The following UBE4B variants were observed in gnomAD, a reference collection of about 807,000 sequenced individuals.
The protein encoded by UBE4B is ubiquitin conjugation factor E4 B.
A neutral mutation model predicts 148.1 loss-of-function variants in UBE4B; 27 were observed. That is an observed-to-expected ratio of 0.18 (90% CI 0.13 to 0.25). UBE4B has a LOEUF of 0.25. Among genes scored for constraint, UBE4B ranks in the 10% least tolerant of loss-of-function variants. UBE4B has a pLI of 1.00. For synonymous variants in UBE4B, 596 were observed against 619.3 expected (o/e 0.96, Z 0.56); for missense variants, 1,170 against 1,662.4 (o/e 0.70, Z 5.15).
chr1:10,082,145 C>T (rs1644692701), intron 2 of UBE4B, among the ~76,000 whole-genome samples: 1 of 152,096 alleles, frequency 6.6e-6, no homozygotes, highest in South Asian at 2.1e-4. Flanking sequence ...TTATTTAAAT[C>T]TCCCTATGCA....
Position 10,152,156 on chromosome 1 carries a change from G to A in UBE4B, c.2926+595G>A, listed in dbSNP as rs117863162. 7.2e-3 allele frequency among the ~76,000 whole-genome samples: 1,093 copies of A among 151,716 alleles called. 93 individuals carry two copies. In the East Asian group the frequency reaches 0.17, roughly 24 times the overall value. The stretch of plus-strand genomic sequence containing the variant: ...TTGCAGGTGCCTGTAGTCCCAGGGC[G>A]GTTGAGGGAGGAGAATTGCTTGAAC... On this transcript the variant is annotated intron_variant, in intron 21 of 27. Transcript: ENST00000343090.
intron 2 of UBE4B, among the ~76,000 whole-genome samples, chr1:10,084,937 C>A (rs1297076558): frequency 6.6e-6 from 1 of 151,934 alleles, no homozygotes; most frequent in Non-Finnish European, 1.5e-5. Flanking sequence ...CTCCTGGGGC[C>A]TAGCGATCCC....
chr1:10,146,287 A>T (rs1645871273), intron 18 of UBE4B, among the ~76,000 whole-genome samples: 1 of 152,162 alleles, frequency 6.6e-6, no homozygotes, highest in Non-Finnish European at 1.5e-5. Flanking sequence ...CCCCGTCTCT[A>T]CTAAAAATAC....
intron 1 of UBE4B, among the ~76,000 whole-genome samples, chr1:10,071,679 C>CGTATTTATGTAT (rs71583836): frequency 0.074 from 11,244 of 151,966 alleles, 596 homozygotes; most frequent in Non-Finnish European, 0.11. Flanking sequence ...ACAGTATATA[C>CGTATTTATGTAT]GTATTTATGT....
intron 2 of UBE4B, among the ~76,000 whole-genome samples, chr1:10,091,638 C>T (rs754849000): frequency 1.3e-5 from 2 of 152,026 alleles, no homozygotes; most frequent in Non-Finnish European, 2.9e-5. Flanking sequence ...TGGAGTATTG[C>T]TGTGTCACCC....
At chr1:10,170,093 C>A (rs1157551246) in intron 24 of UBE4B, among the ~76,000 whole-genome samples, 1 of 152,192 alleles carries the variant, frequency 6.6e-6, no homozygotes. Context: ...TTGGCCCCAG[C>A]CTGTGCCTGT....
chr1:10,106,525 C>A lies in UBE4B; in HGVS notation c.1138C>A (p.Pro380Thr). The change falls in exon 7 of 28, where the codon CCA becomes ACA. Residue 380 changes from proline (P) to threonine (T), a missense_variant. By Grantham distance (38) the Pro-to-Thr change is conservative (BLOSUM62 -1). Coordinates refer to ENST00000343090, the MANE Select transcript of UBE4B (RefSeq NM_001105562.3). This position sits in a 1 kb window ranked among gnomAD's most constrained non-coding sequence, Gnocchi z 4.2. ...GCCCAGCAGCACGGGTCCACCCCTA[C>A]CACCCGCCTCACCCAGTGCCACGAG... ...QRPSSTGPPL[P>T]PASPSATSRR... The A allele has an allele frequency of 6.2e-7, 1 of 1,607,068 alleles. No individual in the cohort carries two copies.
intron 2 of UBE4B, among the ~76,000 whole-genome samples, chr1:10,080,171 C>G (rs1644653213): frequency 6.6e-6 from 1 of 152,046 alleles, no homozygotes; most frequent in South Asian, 2.1e-4. Flanking sequence ...CCTGTAATCC[C>G]AGCACTTTGG....
Position 10,162,126 on chromosome 1 carries a change from A to G in UBE4B, c.3198+840A>G, listed in dbSNP as rs148692326. Among the ~76,000 whole-genome samples the G allele has an allele frequency of 8.9e-3, 1,357 of 151,736 alleles. 82 individuals are homozygous for G. Among genetic ancestry groups the G allele is most frequent in the Admixed American group, 0.083 (1,258 of 15,234 alleles). On this transcript the variant is annotated intron_variant, in intron 23 of 27. Coordinates refer to ENST00000343090, the MANE Select transcript of UBE4B (RefSeq NM_001105562.3). Reference sequence around the variant, plus strand: ...CGATTTTCGTGCCTCAGCCTTCTGAATAGCTGGGATTACAGGCGCCTGCCA... The same window carrying G: ...CGATTTTCGTGCCTCAGCCTTCTGAGTAGCTGGGATTACAGGCGCCTGCCA...
At chr1:10,040,634 T>TG (rs1178537533) in intron 1 of UBE4B, among the ~76,000 whole-genome samples, 12 of 150,930 alleles carry the variant, frequency 8.0e-5, no homozygotes, top group African/African-American at 2.9e-4. Flanking sequence ...TTTTTTTTTT[T>TG]GAGATGGAGT....
chr1:10,068,927 T>C (rs1362753858), intron 1 of UBE4B, among the ~76,000 whole-genome samples: 1 of 152,214 alleles, frequency 6.6e-6, no homozygotes, highest in Non-Finnish European at 1.5e-5. Flanking sequence ...ATCTTTAAGA[T>C]GGGGCAAAAT....
chr1:10,094,942 C>A (rs1373520933), intron 2 of UBE4B, among the ~76,000 whole-genome samples: 1 of 152,054 alleles, frequency 6.6e-6, no homozygotes, highest in East Asian at 1.9e-4. Context: ...AGGTGCCCAG[C>A]TAATTTTTGT....
In UBE4B at chr1:10,178,748, A is replaced by G. The variant is rs1198080987; in HGVS notation, c.3630A>G (p.Lys1210=). 6.2e-6 allele frequency: 10 copies of G among 1,613,940 alleles called. No individual in the cohort carries two copies. The highest frequency in any genetic ancestry group is 2.2e-5 in the East Asian group (1 of 44,894). The change falls in exon 26 of 28, where the codon AAA becomes AAG. Residue 1210 remains lysine, a synonymous_variant. Coordinates refer to ENST00000343090, the MANE Select transcript of UBE4B (RefSeq NM_001105562.3). The stretch of plus-strand genomic sequence containing the variant: ...AAAAATTTAAGCTGCTCGCCGAGAA[A>G]GTGGAGGAGATAGTGGCCAAGAACG... ...AIEKFKLLAE[K]VEEIVAKNAR... is the part of the protein sequence containing the mutation.
intron 11 of UBE4B, chr1:10,128,417 T>G (rs1346175534): frequency 6.6e-6 from 1 of 152,172 alleles, no homozygotes; most frequent in Non-Finnish European, 1.5e-5. Context: ...AAATCAGAAA[T>G]CATTGTGATC....
chr1:10,144,861 G>A, intron 17 of UBE4B, 79 bp from the exon 18 acceptor site: 2 of 972,950 alleles, frequency 2.1e-6, no homozygotes, highest in African/African-American at 1.6e-5. Context: ...GCGTGTGAGA[G>A]TCAGTGAAAT....
At chr1:10,053,687 C>CT (rs916430073) in intron 1 of UBE4B, among the ~76,000 whole-genome samples, 143 of 147,180 alleles carry the variant, frequency 9.7e-4, no homozygotes, top group African/African-American at 2.8e-3. Context: ...ATTTTGAAAA[C>CT]TTTTTTTTTT....
intron 3 of UBE4B, among the ~76,000 whole-genome samples, chr1:10,096,686 C>A (rs1266353257): frequency 6.6e-6 from 1 of 151,936 alleles, no homozygotes; most frequent in Non-Finnish European, 1.5e-5. Context: ...TGTGCCACTG[C>A]ACTCCAGCCT....
chr1:10,047,486 A>G (rs1261101523), intron 1 of UBE4B, among the ~76,000 whole-genome samples: 3 of 140,724 alleles, frequency 2.1e-5, no homozygotes, highest in African/African-American at 8.1e-5. Flanking sequence ...AGCTTCATAT[A>G]TCTTTTTTTT....
chr1:10,175,544 G>T (rs372328995), intron 25 of UBE4B, among the ~76,000 whole-genome samples: 1 of 151,928 alleles, frequency 6.6e-6, no homozygotes, highest in African/African-American at 2.4e-5. Flanking sequence ...CCAGCTACTC[G>T]GGAGGCTGAG....
Sources: allele counts gnomAD v4.1 joint callset (sites outside exome capture counted in the v4.1 genomes callset), GRCh38; gene constraint gnomAD v4.1.1; non-coding constraint Gnocchi (gnomAD v3.1); transcripts MANE v1.5; gene names NCBI Gene and HGNC (gene_info 2026-07-23, HGNC 2026-07-21).